The following EDNRA variants were observed in gnomAD, a reference collection of about 807,000 sequenced individuals.
EDNRA encodes endothelin receptor type A.
In EDNRA, 11 loss-of-function variants were observed where a neutral mutation model predicts 41.4. That is an observed-to-expected ratio of 0.27 (90% CI 0.17 to 0.44). The LOEUF is 0.44. Among genes scored for constraint, EDNRA ranks in the 20% least tolerant of loss-of-function variants. The pLI is 1.00. For synonymous variants in EDNRA, 172 were observed against 183.0 expected (o/e 0.94, Z 0.49); for missense variants, 294 against 531.0 (o/e 0.55, Z 4.39).
At chr4:147,505,202 T>TAAA (rs565487803) in intron 2 of EDNRA, among the ~76,000 whole-genome samples, 6 of 90,330 alleles carry the variant, frequency 6.6e-5, no homozygotes, top group African/African-American at 3.1e-4. Context: ...GGCTAAAATG[T>TAAA]AAAAAAAAAA....
intron 2 of EDNRA, among the ~76,000 whole-genome samples, chr4:147,512,930 T>C (rs1729975462): frequency 6.6e-6 from 1 of 152,228 alleles, no homozygotes; most frequent in Non-Finnish European, 1.5e-5. Context: ...TGGCTCACAC[T>C]TCCATATTCT....
chr4:147,524,489 AAAGGAAGGACTG>A (rs1021835687), intron 3 of EDNRA, among the ~76,000 whole-genome samples: 1 of 152,178 alleles, frequency 6.6e-6, no homozygotes, highest in African/African-American at 2.4e-5. Context: ...AGTTAAAAAG[AAAGGAAGGACTG>A]AAGGAAGGAG....
At chr4:147,491,605 A>G (rs1318604233) in intron 2 of EDNRA, 1 of 152,122 alleles carries the variant, frequency 6.6e-6, no homozygotes, top group Admixed American at 6.5e-5. Context: ...ATGATTTGTC[A>G]AAGGGATTCT....
intron 2 of EDNRA, chr4:147,491,868 G>T (rs1170923233): frequency 1.3e-5 from 2 of 152,178 alleles, no homozygotes; most frequent in East Asian, 3.8e-4. Context: ...ATTCCTCACT[G>T]GTGCATTGTA....
intron 2 of EDNRA, among the ~76,000 whole-genome samples, chr4:147,505,750 G>A (rs1041716775): frequency 1.4e-5 from 2 of 144,804 alleles, no homozygotes; most frequent in Non-Finnish European, 3.0e-5. Context: ...CTGGGTTCAC[G>A]TCATTCTCCT....
intron 2 of EDNRA, among the ~76,000 whole-genome samples, chr4:147,510,231 G>A (rs1729872615): frequency 6.6e-6 from 1 of 152,118 alleles, no homozygotes; most frequent in Admixed American, 6.6e-5. Context: ...TCAAGAAAAT[G>A]GCAAAAGAAG....
intron 2 of EDNRA, among the ~76,000 whole-genome samples, chr4:147,516,150 A>G (rs1730108278): frequency 6.6e-6 from 1 of 152,170 alleles, no homozygotes; most frequent in African/African-American, 2.4e-5. Flanking sequence ...TTCTTCTGTG[A>G]TCTGCTTGAG....
chr4:147,481,646 G>C (rs1728762619), intron 1 of EDNRA, among the ~76,000 whole-genome samples: 1 of 152,240 alleles, frequency 6.6e-6, no homozygotes, highest in African/African-American at 2.4e-5. Context: ...TTAGGATTCG[G>C]AGTTTTAGGA....
At position 147,511,889 on chromosome 4, in the gene EDNRA, A is replaced by G. The variant is rs373114536; in HGVS notation, c.421-7962A>G. ...ATGGGAGCTCTGACCCAGACACACA[A>G]TAAGGCCCAAAACTGTGCTTGTATG... On this transcript the variant is annotated intron_variant, in intron 2 of 7. Transcript: ENST00000651419. 2.3e-3 allele frequency among the ~76,000 whole-genome samples: 348 copies of G among 152,332 alleles called. 1 individual carries two copies. Among genetic ancestry groups the G allele is most frequent in the Non-Finnish European group, 4.1e-3 (279 of 68,012 alleles).
At chr4:147,489,743 C>T (rs1438953491) in intron 2 of EDNRA, 1 of 152,036 alleles carries the variant, frequency 6.6e-6, no homozygotes, top group Admixed American at 6.6e-5. Context: ...AATTGATCTC[C>T]CTATCTTCAG....
chr4:147,500,028 C>G (rs1729457255), intron 2 of EDNRA, among the ~76,000 whole-genome samples: 1 of 151,978 alleles, frequency 6.6e-6, no homozygotes, highest in Non-Finnish European at 1.5e-5. Flanking sequence ...TGATCTCGAA[C>G]TCCTGATCTC....
chr4:147,524,299 G>C (rs1297198144), intron 3 of EDNRA, among the ~76,000 whole-genome samples: 1 of 152,004 alleles, frequency 6.6e-6, no homozygotes, highest in African/African-American at 2.4e-5. Flanking sequence ...CGGAGCTTCA[G>C]TCATGCCCAG....
intron 2 of EDNRA, among the ~76,000 whole-genome samples, chr4:147,503,868 T>C (rs1729596784): frequency 6.6e-6 from 1 of 151,922 alleles, no homozygotes; most frequent in Non-Finnish European, 1.5e-5. Context: ...TTAAAACTGA[T>C]CATTTTATAA....
intron 2 of EDNRA, among the ~76,000 whole-genome samples, chr4:147,503,644 C>T (rs186435291): frequency 6.6e-6 from 1 of 152,170 alleles, no homozygotes; most frequent in Admixed American, 6.5e-5. Flanking sequence ...TTTTGCTATA[C>T]CAGCAAAGAA....
intron 1 of EDNRA, among the ~76,000 whole-genome samples, chr4:147,484,261 AAAAT>A (rs375380981): frequency 5.3e-5 from 8 of 152,056 alleles, no homozygotes; most frequent in African/African-American, 1.7e-4. Context: ...AAGTGACTTA[AAAAT>A]AAATAAATAA....
intron 2 of EDNRA, among the ~76,000 whole-genome samples, chr4:147,497,224 T>C (rs1729336259): frequency 6.9e-6 from 1 of 144,148 alleles, no homozygotes; most frequent in South Asian, 2.3e-4. Flanking sequence ...TTCAAACTCC[T>C]GGCTTCAAGT....
intron 5 of EDNRA, among the ~76,000 whole-genome samples, chr4:147,537,783 A>G (rs1049689192): frequency 8.1e-5 from 9 of 110,626 alleles, no homozygotes; most frequent in Non-Finnish European, 1.3e-4. Flanking sequence ...AACCAAATGG[A>G]GATTAGAACC....
intron 2 of EDNRA, among the ~76,000 whole-genome samples, chr4:147,510,406 T>A (rs9308219): frequency 0.071 from 10,806 of 152,230 alleles, 1,253 homozygotes; most frequent in African/African-American, 0.24. Flanking sequence ...AAAACTAGGT[T>A]AAAATCTATC....
chr4:147,493,370 C>A (rs1234355658), intron 2 of EDNRA: 3 of 147,994 alleles, frequency 2.0e-5, no homozygotes, highest in Non-Finnish European at 4.4e-5. Flanking sequence ...ATAGGGTAGT[C>A]TTATGAGTTG....
Sources: gnomAD v4.1 joint callset for allele counts (sites outside exome capture counted in the v4.1 genomes callset) on GRCh38, gnomAD v4.1.1 for gene constraint, MANE v1.5 for transcripts, NCBI Gene and HGNC (gene_info 2026-07-23, HGNC 2026-07-21) for gene names.